The following CLNK variants were observed in gnomAD, a reference collection of about 807,000 sequenced individuals.
CLNK encodes the protein cytokine dependent hematopoietic cell linker.
CLNK carries 74 observed loss-of-function variants against 68.6 expected under a neutral mutation model. The observed-to-expected ratio is 1.08, with a 90% CI of 0.89 to 1.31. The LOEUF (loss-of-function observed/expected upper bound fraction) is 1.31, where lower values mean the gene tolerates loss of function less well. Ranked by LOEUF, CLNK falls within the 50% of genes most tolerant of loss-of-function variation. The pLI is 0.00. For synonymous variants in CLNK, 198 were observed against 172.2 expected (o/e 1.15, Z -1.17); for missense variants, 553 against 515.3 (o/e 1.07, Z -0.71).
chr4:10,580,766 A>G (rs1292247488), intron 4 of CLNK, among the ~76,000 whole-genome samples: 4 of 152,222 alleles, frequency 2.6e-5, no homozygotes, highest in Non-Finnish European at 5.9e-5. Context: ...CTTATTAGGA[A>G]AGAGTAAAAA....
rs201336299 is a variant in CLNK at position 10,551,848 on chromosome 4, A to ATTT, written c.445+6556_445+6558dup. Among the ~76,000 whole-genome samples the ATTT allele has an allele frequency of 1.6e-4, 23 of 140,656 alleles. 1 individual carries two copies. The highest frequency in any genetic ancestry group is 3.5e-3 in the Middle Eastern group (1 of 282). 92.3% of individuals were successfully genotyped at this position (140,656 alleles called of 152,430 possible). A position where few individuals can be genotyped will look rare whatever the true frequency, so the allele number is the denominator to read the frequency against. ...AGATTATATCAGTGAGAGAATTGTA[A>ATTT]TTTTTTTTTTTTTTTTTGAGACTGA... On this transcript the variant is annotated intron_variant, in intron 8 of 18. Coordinates refer to ENST00000226951, the MANE Select transcript of CLNK (RefSeq NM_052964.4).
At chr4:10,572,115 CTT>C (rs1379704487) in intron 4 of CLNK, among the ~76,000 whole-genome samples, 1 of 152,200 alleles carries the variant, frequency 6.6e-6, no homozygotes, top group Non-Finnish European at 1.5e-5. Context: ...CTCCCGAAGT[CTT>C]GAGTCAGCAG....
At chr4:10,559,806 A>T (rs1257776478) in intron 7 of CLNK, among the ~76,000 whole-genome samples, 1 of 152,210 alleles carries the variant, frequency 6.6e-6, no homozygotes, top group Non-Finnish European at 1.5e-5. Flanking sequence ...ATGCTAGATT[A>T]TGAGGGAACA....
At position 10,675,792 on chromosome 4, in the gene CLNK, AG is replaced by A. The variant is rs1341701953; in HGVS notation, c.-42-7882del. 1.8e-4 allele frequency among the ~76,000 whole-genome samples: 27 copies of A among 152,230 alleles called. 1 individual carries two copies. The highest frequency in any genetic ancestry group is 1.5e-5 in the Non-Finnish European group (1 of 68,032). Reference sequence around the variant, plus strand: ...AGCAAACTGTGAACGGCTAAAGAAAAGCTTTGAATGAATCGAGAAGGTAGGA... The same window carrying A: ...AGCAAACTGTGAACGGCTAAAGAAAACTTTGAATGAATCGAGAAGGTAGGA... On this transcript the variant is annotated intron_variant, in intron 1 of 18. Coordinates refer to ENST00000226951, the MANE Select transcript of CLNK (RefSeq NM_052964.4).
chr4:10,590,302 TC>T (rs1223108892), intron 3 of CLNK, among the ~76,000 whole-genome samples: 1 of 152,234 alleles, frequency 6.6e-6, no homozygotes, highest in Non-Finnish European at 1.5e-5. Context: ...CACTTCTCTC[TC>T]CTGCTGCCCA....
At chr4:10,730,575 A>G in the CLNK span, among the ~76,000 whole-genome samples, 1 of 152,172 alleles carries the variant, frequency 6.6e-6, no homozygotes, top group African/African-American at 2.4e-5. Context: ...CAAGTGAAGT[A>G]TGTCCTACTC....
chr4:10,633,722 T>C (rs1722975956), intron 2 of CLNK, among the ~76,000 whole-genome samples: 1 of 152,238 alleles, frequency 6.6e-6, no homozygotes, highest in South Asian at 2.1e-4. Flanking sequence ...TGGCTGTATA[T>C]ACAGAAGCAG....
At chr4:10,582,420 C>G (rs991425110) in intron 4 of CLNK, among the ~76,000 whole-genome samples, 6 of 152,098 alleles carry the variant, frequency 3.9e-5, no homozygotes, top group African/African-American at 1.4e-4. Flanking sequence ...GATGAAATTT[C>G]TTGTCTTTTA....
chr4:10,710,960 A>C, the CLNK span, among the ~76,000 whole-genome samples: 3 of 152,204 alleles, frequency 2.0e-5, no homozygotes. Flanking sequence ...AGCTGTAAGC[A>C]TGTTTCCTTT....
At chr4:10,714,988 T>C in the CLNK span, among the ~76,000 whole-genome samples, 4 of 152,174 alleles carry the variant, frequency 2.6e-5, no homozygotes, top group African/African-American at 9.7e-5. Context: ...ACATCCTTCT[T>C]TGGTTTCAGT....
intron 3 of CLNK, among the ~76,000 whole-genome samples, chr4:10,586,507 G>A (rs1426589556): frequency 2.0e-5 from 3 of 151,520 alleles, no homozygotes; most frequent in African/African-American, 7.3e-5. Context: ...TAGAGACGGG[G>A]TTTCACCATG....
At chr4:10,651,557 C>T (rs1380882168) in intron 2 of CLNK, among the ~76,000 whole-genome samples, 1 of 152,150 alleles carries the variant, frequency 6.6e-6, no homozygotes, top group Non-Finnish European at 1.5e-5. Context: ...TTTATGATTT[C>T]CTTTGCCAGT....
In CLNK at chr4:10,570,755, C is replaced by T. The variant is rs528875271; in HGVS notation, c.150+986G>A. 3.9e-5 allele frequency among the ~76,000 whole-genome samples: 6 copies of T among 152,158 alleles called. No homozygotes were observed. The South Asian group carries it at 1.0e-3, about 26-fold the overall frequency. Reference sequence around the variant, plus strand: ...AAGTGAAAACTATTTAAATTATATACCTATACATTTGCTTGTAATAAAATA... The same window carrying T: ...AAGTGAAAACTATTTAAATTATATATCTATACATTTGCTTGTAATAAAATA... On this transcript the variant is annotated intron_variant, in intron 5 of 18. Coordinates refer to ENST00000226951, the MANE Select transcript of CLNK (RefSeq NM_052964.4).
intron 1 of CLNK, among the ~76,000 whole-genome samples, chr4:10,684,106 A>G (rs1725182422): frequency 6.6e-6 from 1 of 152,226 alleles, no homozygotes; most frequent in Non-Finnish European, 1.5e-5. Context: ...TTCAAGAGTA[A>G]GAATTTAACC....
the CLNK span, among the ~76,000 whole-genome samples, chr4:10,732,906 G>T: frequency 6.6e-6 from 1 of 152,090 alleles, no homozygotes; most frequent in South Asian, 2.1e-4. Context: ...AGAATAATAT[G>T]AATTATTTAT....
At chr4:10,614,394 A>T (rs1156496158) in intron 2 of CLNK, among the ~76,000 whole-genome samples, 1 of 152,164 alleles carries the variant, frequency 6.6e-6, no homozygotes, top group Non-Finnish European at 1.5e-5. Flanking sequence ...TTCTACAGAT[A>T]TCTATGATGC....
At chr4:10,687,899 T>A (rs1013635866), upstream of CLNK, among the ~76,000 whole-genome samples, 2 of 152,214 alleles carry the variant, frequency 1.3e-5, no homozygotes, top group Admixed American at 6.5e-5. Context: ...ATTGGGTTCA[T>A]GGATCCTGAG....
At chr4:10,669,612 A>T (rs1009584397) in intron 1 of CLNK, among the ~76,000 whole-genome samples, 4 of 152,176 alleles carry the variant, frequency 2.6e-5, no homozygotes, top group Admixed American at 2.0e-4. Context: ...GATTGAGATG[A>T]TCAAGGATCA....
the CLNK span, among the ~76,000 whole-genome samples, chr4:10,718,706 C>A: frequency 2.6e-5 from 4 of 151,832 alleles, no homozygotes; most frequent in African/African-American, 4.8e-5. Context: ...GTTAAGAAAT[C>A]TTGGAACATC....
Sources: gnomAD v4.1 joint callset for allele counts (sites outside exome capture counted in the v4.1 genomes callset) on GRCh38, gnomAD v4.1.1 for gene constraint, MANE v1.5 for transcripts, NCBI Gene and HGNC (gene_info 2026-07-23, HGNC 2026-07-21) for gene names.